The following MEI4 variants were observed in gnomAD, a reference collection of about 807,000 sequenced individuals.
The protein encoded by MEI4 is meiosis-specific protein MEI4.
MEI4 carries 27 observed loss-of-function variants against 31.4 expected under a neutral mutation model. The ratio of observed to expected loss-of-function variants is 0.86; its 90% CI spans 0.63 to 1.19. The LOEUF is 1.19. Among genes scored for constraint, MEI4 ranks in the 50% most tolerant of loss-of-function variants. The pLI, the probability that MEI4 is intolerant of heterozygous loss-of-function variation, is 0.00. For synonymous variants in MEI4, 122 were observed against 145.4 expected, an observed-to-expected ratio of 0.84 and a Z score of 1.16; for missense variants, 329 against 398.9, an observed-to-expected ratio of 0.82 and a Z score of 1.49.
intron 4 of MEI4, among the ~76,000 whole-genome samples, chr6:77,881,162 A>T (rs1423334995): frequency 6.6e-6 from 1 of 151,152 alleles, no homozygotes; most frequent in African/African-American, 2.4e-5. Flanking sequence ...CAGGGCACTG[A>T]TTCTCTGTGA....
At position 77,791,319 on chromosome 6, in the gene MEI4, G is replaced by A. The variant is rs1582147167; in HGVS notation, c.768+29654G>A. Among the ~76,000 whole-genome samples, 10 of 152,088 alleles carry A rather than the reference G, an allele frequency of 6.6e-5. 2 individuals are homozygous for A. Among genetic ancestry groups the A allele is most frequent in the Admixed American group, 6.5e-4 (10 of 15,280 alleles). On this transcript the variant is annotated intron_variant, in intron 3 of 4. Coordinates refer to ENST00000684080, the MANE Select transcript of MEI4 (RefSeq NM_001322247.2). ...ATGATAGACTGGATTAAGAAAATGT[G>A]GCACATATACACCATGGAATACTAC...
chr6:77,836,544 A>G (rs1770222420), intron 4 of MEI4, among the ~76,000 whole-genome samples: 1 of 152,156 alleles, frequency 6.6e-6, no homozygotes, highest in Admixed American at 6.6e-5. Flanking sequence ...TAAGCAATTC[A>G]TTAATAAAAA....
chr6:77,745,112 C>G (rs992090591), intron 2 of MEI4, among the ~76,000 whole-genome samples: 1 of 152,140 alleles, frequency 6.6e-6, no homozygotes, highest in African/African-American at 2.4e-5. Flanking sequence ...CAAATTCACA[C>G]ATAACAATAT....
intron 4 of MEI4, among the ~76,000 whole-genome samples, chr6:77,830,355 G>GA (rs1199003061): frequency 1.3e-5 from 2 of 152,012 alleles, no homozygotes; most frequent in African/African-American, 4.8e-5. Flanking sequence ...AGTAAGTGCA[G>GA]AAAAAATGAT....
intron 4 of MEI4, among the ~76,000 whole-genome samples, chr6:77,864,434 G>C (rs1380008166): frequency 3.3e-5 from 5 of 152,124 alleles, no homozygotes; most frequent in East Asian, 1.9e-4. Context: ...TGCAATCCTA[G>C]TCTCTGATAA....
intron 4 of MEI4, among the ~76,000 whole-genome samples, chr6:77,905,455 T>C (rs1247686908): frequency 1.4e-5 from 2 of 147,684 alleles, no homozygotes; most frequent in African/African-American, 4.9e-5. Context: ...TATCTTTCTA[T>C]AGATTGTATA....
chr6:77,890,540 C>T (rs1392084681), intron 4 of MEI4, among the ~76,000 whole-genome samples: 4 of 152,104 alleles, frequency 2.6e-5, no homozygotes, highest in Non-Finnish European at 5.9e-5. Context: ...CTTGCCTTGT[C>T]TCAGATGAGA....
intron 3 of MEI4, among the ~76,000 whole-genome samples, chr6:77,815,155 T>C (rs770428103): frequency 6.6e-6 from 1 of 152,078 alleles, no homozygotes; most frequent in Non-Finnish European, 1.5e-5. Context: ...TAGAGTGCAC[T>C]ATCTCCAAAG....
At chr6:77,678,643 TAATG>T (rs1368769478) in intron 1 of MEI4, among the ~76,000 whole-genome samples, 5 of 152,006 alleles carry the variant, frequency 3.3e-5, no homozygotes, top group Admixed American at 6.6e-5. Context: ...AAATACTTGA[TAATG>T]AATAAATATG....
At chr6:77,845,590 ACTTTTT>A (rs1291646439) in intron 4 of MEI4, among the ~76,000 whole-genome samples, 1 of 152,148 alleles carries the variant, frequency 6.6e-6, no homozygotes, top group African/African-American at 2.4e-5. Context: ...AGCAACACTA[ACTTTTT>A]CTTTTTATTT....
Position 77,832,054 on chromosome 6 carries a change from G to A in MEI4, c.900+2992G>A, listed in dbSNP as rs560330849. 3.9e-5 allele frequency among the ~76,000 whole-genome samples: 6 copies of A among 151,976 alleles called. No homozygotes were observed. The South Asian group carries it at 6.2e-4, about 16-fold the overall frequency. On this transcript the variant is annotated intron_variant, in intron 4 of 4. Transcript: ENST00000684080. ...TCCCCAGTATATGTACAACTCTGAC[G>A]TATCAATTAAAAATGCATCAAAATA... is the stretch of plus-strand genomic sequence containing the variant.
intron 4 of MEI4, among the ~76,000 whole-genome samples, chr6:77,906,286 G>A (rs1186710652): frequency 1.3e-5 from 2 of 152,094 alleles, no homozygotes; most frequent in Non-Finnish European, 2.9e-5. Flanking sequence ...ACATTTGGTG[G>A]AGAAGTCATT....
chr6:77,800,108 T>A (rs1285578851), intron 3 of MEI4, among the ~76,000 whole-genome samples: 2 of 152,180 alleles, frequency 1.3e-5, no homozygotes, highest in Non-Finnish European at 2.9e-5. Flanking sequence ...TTCACGATAT[T>A]GATTCTTCCT....
chr6:77,697,391 C>T (rs1200634923), intron 2 of MEI4, among the ~76,000 whole-genome samples: 1 of 152,080 alleles, frequency 6.6e-6, no homozygotes, highest in Admixed American at 6.5e-5. Context: ...CCTGCTTTCT[C>T]TTGTGGGCAT....
rs1045530461 is a variant in MEI4, at chr6:77,848,649, C to G, written c.900+19587C>G. Among the ~76,000 whole-genome samples the G allele has an allele frequency of 7.2e-5, 11 of 152,030 alleles. No individual in the cohort carries two copies. In the East Asian group the frequency reaches 2.1e-3, roughly 29 times the overall value. On this transcript the variant is annotated intron_variant, in intron 4 of 4. Coordinates refer to ENST00000684080, the MANE Select transcript of MEI4 (RefSeq NM_001322247.2). ...TGTGATGCAGCACATCTAGGTCTTC[C>G]CAGCTAGATTGCCAACCTCTAAACT...
In MEI4 at chr6:77,690,388, A is replaced by C. The variant is rs544665987; in HGVS notation, c.-14-270A>C. The stretch of plus-strand genomic sequence containing the variant: ...CTGGTTAGAAACAACTAAATGAATT[A>C]ATATGTGTTTTTTCCATCCCAAGAA... On this transcript the variant is annotated intron_variant, in intron 1 of 4. Transcript: ENST00000684080. Among the ~76,000 whole-genome samples the C allele has an allele frequency of 2.7e-4, 41 of 152,138 alleles. No homozygotes were observed. The Middle Eastern group carries it at 0.017, about 63-fold the overall frequency.
intron 2 of MEI4, among the ~76,000 whole-genome samples, chr6:77,730,586 AT>A (rs531462335): frequency 1.4e-4 from 21 of 150,920 alleles, no homozygotes; most frequent in African/African-American, 3.6e-4. Context: ...TTAATTCAGT[AT>A]TTTTTTTAGT....
At chr6:77,873,988 T>C (rs1771265880) in intron 4 of MEI4, among the ~76,000 whole-genome samples, 1 of 152,260 alleles carries the variant, frequency 6.6e-6, no homozygotes, top group Non-Finnish European at 1.5e-5. Context: ...GCCAGTACCA[T>C]GCTATTTTGG....
At chr6:77,822,441 T>G (rs1769848482) in intron 3 of MEI4, among the ~76,000 whole-genome samples, 1 of 152,172 alleles carries the variant, frequency 6.6e-6, no homozygotes, top group South Asian at 2.1e-4. Flanking sequence ...AACGTAATGG[T>G]CTAATTCTAC....
Sources: gnomAD v4.1 joint callset for allele counts (sites outside exome capture counted in the v4.1 genomes callset) on GRCh38, gnomAD v4.1.1 for gene constraint, MANE v1.5 for transcripts, NCBI Gene and HGNC (gene_info 2026-07-23, HGNC 2026-07-21) for gene names.